Variants in ELAPOR1 observed in about 807,000 individuals in gnomAD.
ELAPOR1 encodes endosome/lysosome-associated apoptosis and autophagy regulator 1.
Under a neutral mutation model 119.7 loss-of-function variants are expected in ELAPOR1, and 77 were observed. The ratio of observed to expected loss-of-function variants is 0.64; its 90% CI spans 0.54 to 0.78. The LOEUF is 0.78. Among genes scored for constraint, ELAPOR1 ranks in the 30% least tolerant of loss-of-function variants. The pLI, the probability that ELAPOR1 is intolerant of heterozygous loss-of-function variation, is 0.00. For missense variants in ELAPOR1, 1,115 were observed against 1,270.4 expected (o/e 0.88, Z 1.86); for synonymous variants, 481 against 487.2 (o/e 0.99, Z 0.17).
chr1:109,177,225 G>A (rs1173091480), intron 7 of ELAPOR1, among the ~76,000 whole-genome samples: 5 of 145,948 alleles, frequency 3.4e-5, no homozygotes, highest in East Asian at 2.1e-4. Flanking sequence ...GCGGCTGGCC[G>A]GGCGGGGGGC....
At position 109,141,971 on chromosome 1, in the gene ELAPOR1, G is replaced by A. The variant is rs372908511; in HGVS notation, c.154-19923G>A. Among the ~76,000 whole-genome samples, 4 of 152,038 alleles carry A rather than the reference G, an allele frequency of 2.6e-5. No individual in the cohort carries two copies. The South Asian group carries it at 6.2e-4, about 24-fold the overall frequency. ...TGAGCCACTGTGCCCGGCCTATTTT[G>A]TTTTCTTTGACATCCAGAATACATG... On this transcript the variant is annotated intron_variant, in intron 1 of 21. Coordinates refer to ENST00000369939, the MANE Select transcript of ELAPOR1 (RefSeq NM_020775.5).
intron 7 of ELAPOR1, among the ~76,000 whole-genome samples, chr1:109,183,423 G>A (rs1346984889): frequency 6.6e-6 from 1 of 151,174 alleles, no homozygotes; most frequent in African/African-American, 2.4e-5. Context: ...ATTAAAAAAT[G>A]AATTCATAGA....
intron 16 of ELAPOR1, 36 bp from the exon 17 acceptor site, chr1:109,197,943 A>C: frequency 6.5e-7 from 1 of 1,539,114 alleles, no homozygotes; most frequent in Non-Finnish European, 9.0e-7. Context: ...AGCTAATGCT[A>C]CTAGTGAGAA....
rs372690415 is a variant in ELAPOR1, at chr1:109,116,847, C to T, written c.153+2511C>T. On this transcript the variant is annotated intron_variant, in intron 1 of 21. Transcript: ENST00000369939. ...CTGGGATTACAGGCATGTGCAACCA[C>T]ACCCGGCTAATTTTTGTATTTTTAG... Among the ~76,000 whole-genome samples, 24 of 152,252 alleles carry T rather than the reference C, an allele frequency of 1.6e-4. No homozygotes were observed. The East Asian group carries it at 4.3e-3, about 27-fold the overall frequency.
chr1:109,119,570 C>T (rs1225314911), intron 1 of ELAPOR1, among the ~76,000 whole-genome samples: 2 of 150,772 alleles, frequency 1.3e-5, no homozygotes, highest in African/African-American at 2.4e-5. Flanking sequence ...AAATATATTG[C>T]ATTGTATATA....
Position 109,192,785 on chromosome 1 carries a change from T to A in ELAPOR1, c.1858T>A (p.Ser620Thr). ...TGACCGAGATTCAGGAACCTGCCAC[T>A]CCTGCCCCACTAACACAATTCTGAA... The part of the protein sequence containing the change: ...YIDRDSGTCH[S>T]CPTNTILKAH... The change falls in exon 14 of 22, where the codon TCC becomes ACC. Residue 620 changes from serine to threonine, a missense_variant. Ser to Thr is a moderately conservative substitution (Grantham distance 58). Transcript: ENST00000369939. The A allele has an allele frequency of 6.2e-7, 1 of 1,614,006 alleles. No individual in the cohort carries two copies. Among genetic ancestry groups the A allele is most frequent in the Non-Finnish European group, 8.5e-7 (1 of 1,179,962 alleles).
rs1300677166 is a variant in ELAPOR1, at chr1:109,200,020, G to A, written c.2629-39G>A. 1.9e-6 allele frequency: 3 copies of A among 1,613,476 alleles called. No individual in the cohort carries two copies. The Admixed American group carries it at 5.0e-5, about 27-fold the overall frequency. ...GATCGGGCACTTCCATGAGAGAAGGGAATGGGAGATCTGAGTTCCTTGTTT... is the reference window on the plus strand; with the variant it reads ...GATCGGGCACTTCCATGAGAGAAGGAAATGGGAGATCTGAGTTCCTTGTTT... On this transcript the variant is annotated intron_variant, in intron 19 of 21. Transcript: ENST00000369939.
chr1:109,155,029 C>T (rs569499150), intron 1 of ELAPOR1, among the ~76,000 whole-genome samples: 7 of 152,210 alleles, frequency 4.6e-5, no homozygotes, highest in East Asian at 3.9e-4. Flanking sequence ...ATCTCCTCCC[C>T]GTCCCATCCT....
chr1:109,165,312 C>A (rs972085756), intron 3 of ELAPOR1, among the ~76,000 whole-genome samples: 1 of 152,054 alleles, frequency 6.6e-6, no homozygotes, highest in East Asian at 1.9e-4. Flanking sequence ...ACCGGCAGGG[C>A]GCGGTGGCTC....
chr1:109,144,125 T>C (rs1650034270), intron 1 of ELAPOR1, among the ~76,000 whole-genome samples: 1 of 141,148 alleles, frequency 7.1e-6, no homozygotes, highest in Non-Finnish European at 1.5e-5. Context: ...AATAGCACGA[T>C]CTTGGCTCAC....
At chr1:109,197,904 C>A in intron 16 of ELAPOR1, 75 bp from the exon 17 acceptor site, 1 of 1,276,718 alleles carries the variant, frequency 7.8e-7, no homozygotes, top group South Asian at 1.2e-5. Context: ...TGGATGTTGA[C>A]AGGTATTGGA....
intron 1 of ELAPOR1, among the ~76,000 whole-genome samples, chr1:109,143,029 A>C (rs1448080640): frequency 2.0e-5 from 3 of 151,886 alleles, no homozygotes; most frequent in Non-Finnish European, 4.4e-5. Context: ...AGCTCACTGC[A>C]ACCTCCGGCT....
chr1:109,157,832 T>C (rs556084424), intron 1 of ELAPOR1, among the ~76,000 whole-genome samples: 1 of 152,340 alleles, frequency 6.6e-6, no homozygotes, highest in South Asian at 2.1e-4. Context: ...TGGATGGTAA[T>C]GAAGTACAGC....
At chr1:109,192,099 C>T (rs1472203954) in intron 13 of ELAPOR1, among the ~76,000 whole-genome samples, 4 of 152,202 alleles carry the variant, frequency 2.6e-5, no homozygotes, top group African/African-American at 9.7e-5. Context: ...AGTCCCTGCC[C>T]TGATACATGT....
chr1:109,142,958 T>C (rs1649921240), intron 1 of ELAPOR1, among the ~76,000 whole-genome samples: 1 of 151,932 alleles, frequency 6.6e-6, no homozygotes, highest in Non-Finnish European at 1.5e-5. Flanking sequence ...ACAATGGATT[T>C]TTTTTTTTTT....
At chr1:109,179,868 T>C (rs1159511190) in intron 7 of ELAPOR1, among the ~76,000 whole-genome samples, 5 of 152,150 alleles carry the variant, frequency 3.3e-5, no homozygotes. Context: ...ATCACACCAT[T>C]GCACTCTAGC....
intron 15 of ELAPOR1, among the ~76,000 whole-genome samples, chr1:109,196,688 CTTT>C (rs57071302): frequency 9.2e-4 from 133 of 144,850 alleles, no homozygotes; most frequent in African/African-American, 3.0e-3. Context: ...AGATTTAGCA[CTTT>C]TTTTTTTTTT....
chr1:109,194,979 G>A (rs1272762787), intron 15 of ELAPOR1, among the ~76,000 whole-genome samples: 4 of 151,984 alleles, frequency 2.6e-5, no homozygotes, highest in East Asian at 1.9e-4. Context: ...GCGTGGTGGT[G>A]CATGCCTGTA....
chr1:109,136,617 G>A (rs1444210876), intron 1 of ELAPOR1, among the ~76,000 whole-genome samples: 1 of 152,148 alleles, frequency 6.6e-6, no homozygotes, highest in Non-Finnish European at 1.5e-5. Context: ...AGAGGTGAAG[G>A]AGGACTTCCA....
Sources: gnomAD v4.1 joint callset for allele counts (sites outside exome capture counted in the v4.1 genomes callset) on GRCh38, gnomAD v4.1.1 for gene constraint, MANE v1.5 for transcripts, NCBI Gene and HGNC (gene_info 2026-07-23, HGNC 2026-07-21) for gene names.